ZNF766: variants seen among roughly 807,000 people sequenced by gnomAD.
The protein encoded by ZNF766 is zinc finger protein 766.
Under a neutral mutation model 13.2 loss-of-function variants are expected in ZNF766, and 13 were observed. The ratio of observed to expected loss-of-function variants is 0.98; its 90% CI spans 0.64 to 1.56. ZNF766 has a LOEUF of 1.56. Ranked by LOEUF, ZNF766 falls within the 40% of genes most tolerant of loss-of-function variation. The probability of loss-of-function intolerance (pLI) is 0.00; values close to 1 mark genes in which losing one functional copy is unlikely to be tolerated. For synonymous variants in ZNF766, 178 were observed against 187.6 expected, an observed-to-expected ratio of 0.95 and a Z score of 0.42; for missense variants, 521 against 552.2, an observed-to-expected ratio of 0.94 and a Z score of 0.57.
At chr19:52,288,928 C>T (rs1046580414) in intron 3 of ZNF766, among the ~76,000 whole-genome samples, 5 of 152,136 alleles carry the variant, frequency 3.3e-5, no homozygotes, top group African/African-American at 4.8e-5. Flanking sequence ...TCACTGCAAC[C>T]TCTGCCTCCC....
chr19:52,269,662 C>T, intron 1 of ZNF766, 31 bp downstream of exon 1: 2 of 1,611,888 alleles, frequency 1.2e-6, no homozygotes, highest in Admixed American at 1.7e-5. Context: ...ATTAAGTGTT[C>T]GCTTAGCGGT....
chr19:52,272,798 A>C (rs1321909342), intron 1 of ZNF766, among the ~76,000 whole-genome samples: 1 of 151,950 alleles, frequency 6.6e-6, no homozygotes, highest in African/African-American at 2.4e-5. Context: ...CTCTGCCCTG[A>C]GGTCTAGAAA....
In ZNF766 at chr19:52,294,224, A is replaced by T. The variant is rs184810296; in HGVS notation, c.*3026A>T. ...GCGCTCAGTGACATAATTTGAAAAA[A>T]TATTAATGTTCAGAAATGTTCTCTT... On this transcript the variant is annotated 3_prime_UTR_variant, in exon 4 of 4. Transcript: ENST00000439461. 9.2e-5 allele frequency: 14 copies of T among 152,342 alleles called. No homozygotes were observed. Among genetic ancestry groups the T allele is most frequent in the Non-Finnish European group, 1.8e-4 (12 of 68,032 alleles). The allele number at this position is 152,342 out of a possible 1,614,324, so 9.4% of individuals were successfully genotyped here.
At chr19:52,285,901 A>G (rs1397246594) in intron 3 of ZNF766, among the ~76,000 whole-genome samples, 1 of 152,190 alleles carries the variant, frequency 6.6e-6, no homozygotes, top group African/African-American at 2.4e-5. Context: ...AGCAAGGGCT[A>G]TGGGAGTTAT....
chr19:52,284,171 C>G (rs1168956255), intron 3 of ZNF766, among the ~76,000 whole-genome samples: 2 of 152,202 alleles, frequency 1.3e-5, no homozygotes, highest in Admixed American at 6.5e-5. Context: ...CTCTTTAGTC[C>G]TTGATTCTGA....
chr19:52,272,420 G>C (rs535518470), intron 1 of ZNF766, among the ~76,000 whole-genome samples: 35 of 152,230 alleles, frequency 2.3e-4, no homozygotes, highest in African/African-American at 7.2e-4. Context: ...GTCTCCTGAA[G>C]CTGTCTTCTC....
chr19:52,272,193 G>A (rs2122458971), intron 1 of ZNF766, among the ~76,000 whole-genome samples: 1 of 152,130 alleles, frequency 6.6e-6, no homozygotes, highest in South Asian at 2.1e-4. Context: ...TTCCAATTAA[G>A]CTTTCACCTC....
At chr19:52,276,324 T>C (rs2122467050) in intron 1 of ZNF766, among the ~76,000 whole-genome samples, 1 of 152,342 alleles carries the variant, frequency 6.6e-6, no homozygotes, top group South Asian at 2.1e-4. Flanking sequence ...AAATGCTTGT[T>C]ATACTGGGTT....
At chr19:52,282,860 T>C (rs748537296) in intron 2 of ZNF766, among the ~76,000 whole-genome samples, 2 of 152,238 alleles carry the variant, frequency 1.3e-5, no homozygotes, top group Non-Finnish European at 2.9e-5. Flanking sequence ...GAGAGTTCGA[T>C]GTCCAATTAT....
intron 3 of ZNF766, among the ~76,000 whole-genome samples, chr19:52,286,399 C>G (rs561458917): frequency 6.6e-6 from 1 of 151,538 alleles, no homozygotes; most frequent in South Asian, 2.1e-4. Context: ...CCTCCACCTC[C>G]CAGGCTCAAA....
chr19:52,282,017 TC>T (rs1266919434), intron 1 of ZNF766, 93 bp from the exon 2 acceptor site: 14 of 1,465,914 alleles, frequency 9.6e-6, no homozygotes, highest in Non-Finnish European at 1.3e-5. Context: ...CGTCAGCACT[TC>T]AGTTGAGTCA....
chr19:52,277,433 T>C (rs1474600566), intron 1 of ZNF766: 3 of 1,520,082 alleles, frequency 2.0e-6, no homozygotes, highest in Non-Finnish European at 1.8e-6. Context: ...CACTCCAGCC[T>C]GGGTGACAGA....
intron 1 of ZNF766, among the ~76,000 whole-genome samples, chr19:52,273,778 C>G (rs555696619): frequency 6.6e-6 from 1 of 152,306 alleles, no homozygotes; most frequent in South Asian, 2.1e-4. Context: ...ATCCTGGTAA[C>G]AAGACCCAAG....
At position 52,291,274 on chromosome 19, in the gene ZNF766, G is replaced by T. The variant is rs1399689557; in HGVS notation, c.*76G>T. ...TATACTAGAAAGAAATCATTTAAAT[G>T]TACTATATGTGGCACAGGCTGTATC... On this transcript the variant is annotated 3_prime_UTR_variant, in exon 4 of 4. Coordinates refer to ENST00000439461, the MANE Select transcript of ZNF766 (RefSeq NM_001010851.3). 2.2e-6 allele frequency: 3 copies of T among 1,394,644 alleles called. No homozygotes were observed. In the East Asian group the frequency reaches 6.9e-5, roughly 32 times the overall value. 86.4% of individuals were successfully genotyped at this position (1,394,644 alleles called of 1,614,324 possible).
chr19:52,272,237 C>T (rs1568615513), intron 1 of ZNF766, among the ~76,000 whole-genome samples: 1 of 152,076 alleles, frequency 6.6e-6, no homozygotes, highest in African/African-American at 2.4e-5. Flanking sequence ...CCCAGAGGTA[C>T]CAGTGATCTC....
At chr19:52,270,761 A>C (rs1027458324) in intron 1 of ZNF766, among the ~76,000 whole-genome samples, 12 of 152,070 alleles carry the variant, frequency 7.9e-5, no homozygotes, top group Non-Finnish European at 1.6e-4. Context: ...AACAAGAGGA[A>C]AAAAATTGCA....
intron 1 of ZNF766, chr19:52,277,012 A>AT: frequency 1.4e-6 from 1 of 731,908 alleles, no homozygotes. Context: ...GTAGGAGTTT[A>AT]TTGTCCCGGC....
At chr19:52,278,195 CAA>C (rs1165062413) in intron 1 of ZNF766, among the ~76,000 whole-genome samples, 1 of 152,024 alleles carries the variant, frequency 6.6e-6, no homozygotes, top group Non-Finnish European at 1.5e-5. Context: ...CTCAGCCTCC[CAA>C]AGTGTTGGGA....
At chr19:52,269,657 G>C in intron 1 of ZNF766, 26 bp downstream of exon 1, 1 of 1,612,376 alleles carries the variant, frequency 6.2e-7, no homozygotes, top group South Asian at 1.1e-5. Flanking sequence ...TTTAGATTAA[G>C]TGTTCGCTTA....
Sources: gnomAD v4.1 joint callset for allele counts (sites outside exome capture counted in the v4.1 genomes callset) on GRCh38, gnomAD v4.1.1 for gene constraint, MANE v1.5 for transcripts, NCBI Gene and HGNC (gene_info 2026-07-23, HGNC 2026-07-21) for gene names.